RASSF3: variants seen among roughly 807,000 people sequenced by gnomAD.
RASSF3 encodes the protein Ras association domain family member 3.
A neutral mutation model predicts 19.9 loss-of-function variants in RASSF3; 19 were observed. That is an observed-to-expected ratio of 0.96 (90% CI 0.67 to 1.40). The LOEUF is 1.40. Ranked by LOEUF, RASSF3 falls within the 40% of genes most tolerant of loss-of-function variation. RASSF3 has a pLI of 0.00. For synonymous variants in RASSF3, 110 were observed against 104.2 expected (o/e 1.06, Z -0.34); for missense variants, 306 against 289.8 (o/e 1.06, Z -0.41).
chr12:64,638,135 A>G (rs1871386667), intron 1 of RASSF3, among the ~76,000 whole-genome samples: 1 of 152,120 alleles, frequency 6.6e-6, no homozygotes, highest in Non-Finnish European at 1.5e-5. Context: ...CGGCCTAGTT[A>G]TCATATATCT....
intron 1 of RASSF3, among the ~76,000 whole-genome samples, chr12:64,516,412 G>A (rs1868366223): frequency 6.6e-6 from 1 of 151,656 alleles, no homozygotes; most frequent in African/African-American, 2.4e-5. Context: ...GAGGTCAGGA[G>A]ATCGAGACCA....
At chr12:64,535,607 C>T (rs1048140516) in intron 1 of RASSF3, among the ~76,000 whole-genome samples, 2 of 152,090 alleles carry the variant, frequency 1.3e-5, no homozygotes, top group African/African-American at 4.8e-5. Context: ...CTCAAGCAAT[C>T]CTCTCACCTT....
intron 1 of RASSF3, among the ~76,000 whole-genome samples, chr12:64,637,193 G>A (rs746646894): frequency 2.0e-5 from 3 of 152,138 alleles, no homozygotes; most frequent in African/African-American, 4.8e-5. Flanking sequence ...AGCAGCAGGC[G>A]CCTTGGGGGC....
chr12:64,616,559 A>G (rs1267131466), intron 1 of RASSF3, among the ~76,000 whole-genome samples: 1 of 152,220 alleles, frequency 6.6e-6, no homozygotes, highest in African/African-American at 2.4e-5. Context: ...TTTCACTCCT[A>G]ATTTGGCCAA....
Position 64,610,616 on chromosome 12 carries a change from G to T in RASSF3, c.-17G>T. 1 of 1,479,736 alleles carries T rather than the reference G, an allele frequency of 6.8e-7. No homozygotes were observed. Among genetic ancestry groups the T allele is most frequent in the South Asian group, 1.3e-5 (1 of 75,788 alleles). 91.7% of individuals were successfully genotyped at this position (1,479,736 alleles called of 1,614,324 possible). ...TGCGCCCCGGGGAGGCCGCCCGCGC[G>T]CGACGGGACCGGCAGCATGAGCAGC... On this transcript the variant is annotated 5_prime_UTR_variant, in exon 1 of 5. Coordinates refer to ENST00000542104, the MANE Select transcript of RASSF3 (RefSeq NM_178169.4).
At chr12:64,508,960 G>C (rs970502164) in intron 1 of RASSF3, among the ~76,000 whole-genome samples, 2 of 151,866 alleles carry the variant, frequency 1.3e-5, no homozygotes, top group African/African-American at 4.8e-5. Context: ...AAAATATAAG[G>C]CCTAGGACAT....
intron 2 of RASSF3, among the ~76,000 whole-genome samples, chr12:64,602,159 A>G (rs1057027380): frequency 6.6e-6 from 1 of 151,672 alleles, no homozygotes; most frequent in African/African-American, 2.4e-5. Context: ...TGCATAGGCC[A>G]GGTGTGGTGG....
chr12:64,684,013 AGTGTGT>A (rs10598381), intron 1 of RASSF3, among the ~76,000 whole-genome samples: 3 of 138,448 alleles, frequency 2.2e-5, no homozygotes, highest in East Asian at 2.3e-4. Context: ...AGAGAGAGTG[AGTGTGT>A]GTGTGTGTGT....
At chr12:64,683,096 A>G (rs1368340767) in intron 1 of RASSF3, among the ~76,000 whole-genome samples, 9 of 152,202 alleles carry the variant, frequency 5.9e-5, no homozygotes, top group Non-Finnish European at 8.8e-5. Context: ...GCTAATTAGC[A>G]TTAATTAGCT....
chr12:64,530,830 A>G (rs745700869), upstream of RASSF3, among the ~76,000 whole-genome samples: 4 of 152,150 alleles, frequency 2.6e-5, no homozygotes, highest in African/African-American at 4.8e-5. Flanking sequence ...AATATTGAGC[A>G]TCTTTTCATG....
At chr12:64,520,271 C>A (rs187144979) in intron 1 of RASSF3, among the ~76,000 whole-genome samples, 2 of 150,384 alleles carry the variant, frequency 1.3e-5, no homozygotes, top group Admixed American at 1.3e-4. Flanking sequence ...TGGGTTCAAG[C>A]GATTCTTCTG....
chr12:64,571,849 A>G (rs1419838487), intron 2 of RASSF3, among the ~76,000 whole-genome samples: 2 of 152,182 alleles, frequency 1.3e-5, no homozygotes, highest in Non-Finnish European at 2.9e-5. Context: ...GAGTTGCTGC[A>G]TACACAAAGT....
At chr12:64,617,322 T>C (rs746411601) in intron 1 of RASSF3, among the ~76,000 whole-genome samples, 18 of 152,334 alleles carry the variant, frequency 1.2e-4, no homozygotes, top group Non-Finnish European at 2.4e-4. Context: ...TAGTTGACAA[T>C]TTATTGTGTG....
At chr12:64,571,129 A>G (rs1166870478) in intron 2 of RASSF3, among the ~76,000 whole-genome samples, 1 of 152,044 alleles carries the variant, frequency 6.6e-6, no homozygotes, top group African/African-American at 2.4e-5. Context: ...AGGCAGGAGA[A>G]TTGCTTGGGA....
At chr12:64,692,296 C>G (rs1178395174) in intron 4 of RASSF3, among the ~76,000 whole-genome samples, 1 of 152,104 alleles carries the variant, frequency 6.6e-6, no homozygotes, top group African/African-American at 2.4e-5. Flanking sequence ...AATAGGGTTT[C>G]TAGGTTAAAA....
chr12:64,581,836 AC>A (rs1869706403), intron 2 of RASSF3, among the ~76,000 whole-genome samples: 1 of 145,672 alleles, frequency 6.9e-6, no homozygotes, highest in Non-Finnish European at 1.5e-5. Flanking sequence ...AAATCTGAAA[AC>A]CTTTCAAAAG....
At chr12:64,610,325 CCGGGCTCCCCCCACCTG>C (rs1280597693), upstream of RASSF3, among the ~76,000 whole-genome samples, 32 of 151,122 alleles carry the variant, frequency 2.1e-4, no homozygotes, top group African/African-American at 6.3e-4. Flanking sequence ...AAGGGGCGGG[CCGGGCTCCCCCCACCTG>C]CGGGCGGGCG....
At chr12:64,530,425 G>A (rs1868684027), upstream of RASSF3, among the ~76,000 whole-genome samples, 6 of 151,714 alleles carry the variant, frequency 4.0e-5, no homozygotes, top group Admixed American at 3.9e-4. Flanking sequence ...TTACATATGT[G>A]AGCCACCGTG....
At chr12:64,673,598 G>A (rs12833931) in intron 1 of RASSF3, among the ~76,000 whole-genome samples, 11,732 of 152,182 alleles carry the variant, frequency 0.077, 610 homozygotes, top group Middle Eastern at 0.15. Flanking sequence ...GACGGCTGCA[G>A]CAAGAGTGCT....
Sources: gnomAD v4.1 joint callset for allele counts (sites outside exome capture counted in the v4.1 genomes callset) on GRCh38, gnomAD v4.1.1 for gene constraint, MANE v1.5 for transcripts, NCBI Gene and HGNC (gene_info 2026-07-23, HGNC 2026-07-21) for gene names.